Variants in PLEKHH2 observed in about 807,000 individuals in gnomAD.
PLEKHH2 encodes pleckstrin homology, MyTH4 and FERM domain containing H2.
Under a neutral mutation model 187.9 loss-of-function variants are expected in PLEKHH2, and 129 were observed. That is an observed-to-expected ratio of 0.69 (90% CI 0.59 to 0.79). The LOEUF (loss-of-function observed/expected upper bound fraction) is 0.79, where lower values mean the gene tolerates loss of function less well. Ranked by LOEUF, PLEKHH2 falls within the 30% of genes least tolerant of loss-of-function variation. The pLI, the probability that PLEKHH2 is intolerant of heterozygous loss-of-function variation, is 0.00. For synonymous variants in PLEKHH2, 686 were observed against 605.6 expected (o/e 1.13, Z -1.95); for missense variants, 2,076 against 1,751.2 (o/e 1.19, Z -3.31).
At chr2:43,696,784 CA>C (rs1253619438) in intron 6 of PLEKHH2, among the ~76,000 whole-genome samples, 1 of 152,132 alleles carries the variant, frequency 6.6e-6, no homozygotes, top group Non-Finnish European at 1.5e-5. Flanking sequence ...TCTTTTTCTT[CA>C]CAGTGGCATA....
Position 43,765,676 on chromosome 2 carries a change from T to C in PLEKHH2, c.*78T>C. On this transcript the variant is annotated 3_prime_UTR_variant, in exon 30 of 30. Transcript: ENST00000282406. ...AGCTCCCTACAAGTTCGTTTACACCTGGCAGCACGGCAGCCACACACCGGT... is the reference window on the plus strand; with the variant it reads ...AGCTCCCTACAAGTTCGTTTACACCCGGCAGCACGGCAGCCACACACCGGT... The C allele has an allele frequency of 7.1e-7, 1 of 1,407,164 alleles. No homozygotes were observed. The highest frequency in any genetic ancestry group is 9.6e-7 in the Non-Finnish European group (1 of 1,044,864). 87.2% of individuals were successfully genotyped at this position (1,407,164 alleles called of 1,614,324 possible).
At chr2:43,682,015 C>T (rs1317769379) in intron 3 of PLEKHH2, among the ~76,000 whole-genome samples, 1 of 152,140 alleles carries the variant, frequency 6.6e-6, no homozygotes, top group Non-Finnish European at 1.5e-5. Flanking sequence ...CCCACTTCAA[C>T]AATTAGTCAA....
At chr2:43,707,588 C>T in intron 11 of PLEKHH2, 43 bp downstream of exon 11, 1 of 1,600,016 alleles carries the variant, frequency 6.2e-7, no homozygotes, top group Non-Finnish European at 8.5e-7. Context: ...CCAGATCATT[C>T]TGAATATTAA....
Position 43,762,299 on chromosome 2 carries a change from C to T in PLEKHH2, c.4072-5C>T, listed in dbSNP as rs778018981. ...ATAATATAGTGTATTTTCACCTCTT[C>T]ATAGCCCATAACTCCATCATCACTT... is the stretch of plus-strand genomic sequence containing the variant. On this transcript the variant is annotated splice_region_variant and splice_polypyrimidine_tract_variant and intron_variant, in intron 27 of 29. Coordinates refer to ENST00000282406, the MANE Select transcript of PLEKHH2 (RefSeq NM_172069.4). 1 of 1,603,558 alleles carries T rather than the reference C, an allele frequency of 6.2e-7. No homozygotes were observed. Among genetic ancestry groups the T allele is most frequent in the South Asian group, 1.1e-5 (1 of 90,794 alleles).
At chr2:43,710,409 A>G in intron 13 of PLEKHH2, 79 bp downstream of exon 13, 1 of 1,581,606 alleles carries the variant, frequency 6.3e-7, no homozygotes, top group Non-Finnish European at 8.6e-7. Flanking sequence ...CCTTCCCATA[A>G]TGCAAGTAAT....
intron 3 of PLEKHH2, among the ~76,000 whole-genome samples, chr2:43,684,156 A>G (rs1021750282): frequency 3.9e-5 from 6 of 152,100 alleles, no homozygotes; most frequent in Non-Finnish European, 5.9e-5. Context: ...CATATAGGAT[A>G]TGATACTATA....
chr2:43,735,094 G>C (rs1671224559), intron 19 of PLEKHH2, among the ~76,000 whole-genome samples: 1 of 152,174 alleles, frequency 6.6e-6, no homozygotes, highest in Non-Finnish European at 1.5e-5. Flanking sequence ...GGAGGCTGAG[G>C]CACAAGAATC....
chr2:43,711,452 G>T (rs541196738), intron 14 of PLEKHH2: 4 of 971,552 alleles, frequency 4.1e-6, no homozygotes, highest in Non-Finnish European at 4.9e-6. Flanking sequence ...TCACATGTTC[G>T]TTCCAATAAT....
chr2:43,741,082 C>T (rs1472269290), intron 21 of PLEKHH2, 39 bp downstream of exon 21: 6 of 1,523,930 alleles, frequency 3.9e-6, no homozygotes, highest in Non-Finnish European at 5.4e-6. Flanking sequence ...TTTATGTGGC[C>T]TCTGAAAGTC....
At chr2:43,711,826 G>A (rs1001368531) in intron 14 of PLEKHH2, 7 of 561,382 alleles carry the variant, frequency 1.2e-5, no homozygotes, top group Admixed American at 6.0e-5. Flanking sequence ...CCCAGGAGGC[G>A]GAGCTTGCAG....
At chr2:43,681,454 C>T (rs1668179674) in intron 3 of PLEKHH2, 32 of 1,545,710 alleles carry the variant, frequency 2.1e-5, no homozygotes, top group Non-Finnish European at 2.5e-5. Context: ...TAATCTTCTT[C>T]CTCTTCCTCT....
At chr2:43,737,835 A>T (rs1671368874) in intron 19 of PLEKHH2, among the ~76,000 whole-genome samples, 1 of 152,238 alleles carries the variant, frequency 6.6e-6, no homozygotes, top group Non-Finnish European at 1.5e-5. Flanking sequence ...GAGGGAATTA[A>T]CTATGGATCT....
chr2:43,670,737 C>T (rs1335169750), intron 2 of PLEKHH2, among the ~76,000 whole-genome samples: 1 of 151,832 alleles, frequency 6.6e-6, no homozygotes, highest in Non-Finnish European at 1.5e-5. Context: ...TTGATTAAGA[C>T]TGGGTGGAAT....
chr2:43,694,345 T>C (rs1668985093), intron 4 of PLEKHH2, 86 bp from the exon 5 acceptor site: 2 of 1,385,338 alleles, frequency 1.4e-6, no homozygotes, highest in Admixed American at 3.0e-5. Flanking sequence ...AAGTTTTAAG[T>C]GGATATGCCT....
intron 27 of PLEKHH2, among the ~76,000 whole-genome samples, 196 bp downstream of exon 27, chr2:43,759,225 C>T (rs1672334208): frequency 1.3e-5 from 2 of 152,168 alleles, no homozygotes; most frequent in Non-Finnish European, 2.9e-5. Flanking sequence ...ACTTTTCCCA[C>T]CCTAAATCAT....
chr2:43,748,844 C>G (rs1226544504), intron 24 of PLEKHH2, among the ~76,000 whole-genome samples: 2 of 151,878 alleles, frequency 1.3e-5, no homozygotes, highest in African/African-American at 4.8e-5. Flanking sequence ...GCAACCTTTG[C>G]CTCCCAGGTT....
At chr2:43,695,101 ATAT>A (rs1669022675) in intron 5 of PLEKHH2, 39 bp from the exon 6 acceptor site, 2 of 1,077,264 alleles carry the variant, frequency 1.9e-6, no homozygotes, top group Non-Finnish European at 2.6e-6. Flanking sequence ...CATTTTTATA[ATAT>A]TATCTCTATA....
intron 3 of PLEKHH2, among the ~76,000 whole-genome samples, chr2:43,686,698 A>C (rs1386356925): frequency 6.6e-6 from 1 of 152,228 alleles, no homozygotes; most frequent in Non-Finnish European, 1.5e-5. Context: ...ATGCCAAAAT[A>C]ATTGTGTTGT....
chr2:43,750,489 A>AAT (rs1432162862), intron 24 of PLEKHH2, among the ~76,000 whole-genome samples: 3 of 152,134 alleles, frequency 2.0e-5, no homozygotes, highest in South Asian at 4.2e-4. Flanking sequence ...TCAAAAAAAA[A>AAT]AAAAGAGAGA....
Sources: gnomAD v4.1 joint callset for allele counts (sites outside exome capture counted in the v4.1 genomes callset) on GRCh38, gnomAD v4.1.1 for gene constraint, MANE v1.5 for transcripts, NCBI Gene and HGNC (gene_info 2026-07-23, HGNC 2026-07-21) for gene names.